The following ARHGAP35 variants were observed in gnomAD, a reference collection of about 807,000 sequenced individuals.
ARHGAP35 encodes rho GTPase-activating protein 35.
Under a neutral mutation model 111.1 loss-of-function variants are expected in ARHGAP35, and 15 were observed. The observed-to-expected ratio is 0.13, with a 90% CI of 0.09 to 0.21. The LOEUF is 0.21. Among genes scored for constraint, ARHGAP35 ranks in the 10% least tolerant of loss-of-function variants. The pLI, the probability that ARHGAP35 is intolerant of heterozygous loss-of-function variation, is 1.00. For missense variants in ARHGAP35, 1,262 were observed against 1,873.0 expected, an observed-to-expected ratio of 0.67 and a Z score of 6.02; for synonymous variants, 643 against 710.3, an observed-to-expected ratio of 0.91 and a Z score of 1.51.
intron 3 of ARHGAP35, among the ~76,000 whole-genome samples, chr19:46,959,791 A>G (rs529326313): frequency 6.6e-6 from 1 of 150,770 alleles, no homozygotes; most frequent in Non-Finnish European, 1.5e-5. Context: ...CTTTTGTGCC[A>G]TTTAAAGGTA....
In ARHGAP35 at chr19:47,001,469, T is replaced by C; in HGVS notation, c.*781T>C. On this transcript the variant is annotated 3_prime_UTR_variant, in exon 7 of 7. Coordinates refer to ENST00000672722, the MANE Select transcript of ARHGAP35 (RefSeq NM_004491.5). This position sits in a 1 kb window ranked among gnomAD's most constrained non-coding sequence, Gnocchi z 5.4. ...CAAGATTCCACTCTGTGCCCGCCTC[T>C]GCCGGGAGGGAGGGAGGCACACAGG... 1.7e-6 allele frequency: 2 copies of C among 1,169,714 alleles called. No individual in the cohort carries two copies. The highest frequency in any genetic ancestry group is 1.1e-6 in the Non-Finnish European group (1 of 883,798). 72.5% of individuals were successfully genotyped at this position (1,169,714 alleles called of 1,614,324 possible).
At chr19:46,869,519 G>C (rs1024264769) in intron 1 of ARHGAP35, among the ~76,000 whole-genome samples, 11 of 150,326 alleles carry the variant, frequency 7.3e-5, no homozygotes, top group Non-Finnish European at 1.6e-4. Context: ...TATTTGCATT[G>C]TGTGTGTGTA....
intron 1 of ARHGAP35, among the ~76,000 whole-genome samples, chr19:46,865,196 T>TGG (rs1366180503): frequency 6.6e-6 from 1 of 152,208 alleles, no homozygotes; most frequent in Non-Finnish European, 1.5e-5. Context: ...ATATGCCATT[T>TGG]GGAGTGGGGG....
rs574401580 is a variant in ARHGAP35 at position 46,863,648 on chromosome 19, T to TC, written c.-189+2446dup. Among the ~76,000 whole-genome samples the TC allele has an allele frequency of 2.9e-3, 438 of 150,910 alleles. 2 individuals are homozygous for TC. The highest frequency in any genetic ancestry group is 8.0e-3 in the African/African-American group (327 of 41,072). ...AGCAACCCTAGGAGTGTCCTTCCCT[T>TC]CCCCCCCGCCTTCGCCCCTCCCCCC... On this transcript the variant is annotated intron_variant, in intron 1 of 6. Coordinates refer to ENST00000672722, the MANE Select transcript of ARHGAP35 (RefSeq NM_004491.5).
chr19:46,925,476 C>G (rs2056232793), intron 2 of ARHGAP35, among the ~76,000 whole-genome samples: 1 of 152,186 alleles, frequency 6.6e-6, no homozygotes, highest in South Asian at 2.1e-4. Context: ...GAGGGGGCAG[C>G]TAGGCACTAG....
chr19:46,905,217 A>G (rs1199373054), intron 1 of ARHGAP35, among the ~76,000 whole-genome samples: 1 of 152,190 alleles, frequency 6.6e-6, no homozygotes, highest in Non-Finnish European at 1.5e-5. Context: ...CTTCTTAAAA[A>G]CAAAAACAAA....
intron 1 of ARHGAP35, among the ~76,000 whole-genome samples, chr19:46,909,495 G>A (rs78807187): frequency 0.02 from 3,017 of 152,154 alleles, 106 homozygotes; most frequent in African/African-American, 0.068. Context: ...TGCATGAGAC[G>A]ACGTGTTTCA....
chr19:46,956,192 C>A (rs945492661), intron 3 of ARHGAP35, among the ~76,000 whole-genome samples: 1 of 152,128 alleles, frequency 6.6e-6, no homozygotes, highest in Non-Finnish European at 1.5e-5. Flanking sequence ...GTGGCGTGCA[C>A]CTGTAGTCCC....
intron 1 of ARHGAP35, among the ~76,000 whole-genome samples, chr19:46,913,989 T>C (rs911065666): frequency 2.6e-5 from 4 of 152,208 alleles, no homozygotes; most frequent in African/African-American, 9.7e-5. Flanking sequence ...GTGACTCAGC[T>C]AATTTTTTTT....
chr19:46,937,473 A>AAC (rs2056316332), intron 3 of ARHGAP35, 65 bp downstream of exon 3: 2 of 1,557,024 alleles, frequency 1.3e-6, no homozygotes, highest in Admixed American at 3.4e-5. Context: ...CTGGAGGGTC[A>AAC]AGCCATCTGG....
intron 1 of ARHGAP35, among the ~76,000 whole-genome samples, chr19:46,915,036 A>G (rs1047204873): frequency 6.6e-6 from 1 of 152,138 alleles, no homozygotes; most frequent in Non-Finnish European, 1.5e-5. Context: ...GACTTCCTCA[A>G]CCCTTCATCA....
intron 1 of ARHGAP35, among the ~76,000 whole-genome samples, chr19:46,916,223 C>T (rs2056162715): frequency 6.6e-6 from 1 of 152,004 alleles, no homozygotes; most frequent in Admixed American, 6.6e-5. Flanking sequence ...CGTGAGCCAC[C>T]GCGCCCAGCG....
rs2056667610 is a variant in ARHGAP35, at chr19:46,989,356, G to A, written c.3905-188G>A. On this transcript the variant is annotated intron_variant, in intron 4 of 6. Transcript: ENST00000672722. This position sits in a 1 kb window ranked among gnomAD's most constrained non-coding sequence, Gnocchi z 5.3. ...TCAGCAGTCTCGGAAAGAGGTGCTG[G>A]GGCCAGCCCATGCCTGAACCTCAGA... The A allele has an allele frequency of 7.7e-6, 5 of 650,732 alleles. No individual in the cohort carries two copies. The allele number at this position is 650,732 out of a possible 1,614,324, so 40.3% of individuals were successfully genotyped here.
At chr19:46,880,432 A>C (rs1185769140) in intron 1 of ARHGAP35, among the ~76,000 whole-genome samples, 2 of 152,030 alleles carry the variant, frequency 1.3e-5, no homozygotes, top group African/African-American at 4.8e-5. Context: ...CTCCGTCTCA[A>C]AAAAAAAGAA....
chr19:46,992,272 C>T lies in ARHGAP35; in HGVS notation c.4036+2597C>T, dbSNP rs1484443249. Among the ~76,000 whole-genome samples the T allele has an allele frequency of 6.6e-6, 1 of 152,160 alleles. No homozygotes were observed. Among genetic ancestry groups the T allele is most frequent in the Non-Finnish European group, 1.5e-5 (1 of 68,032 alleles). On this transcript the variant is annotated intron_variant, in intron 5 of 6. Coordinates refer to ENST00000672722, the MANE Select transcript of ARHGAP35 (RefSeq NM_004491.5). This position sits in a 1 kb window ranked among gnomAD's most constrained non-coding sequence, Gnocchi z 4.4. Reference sequence around the variant, plus strand: ...AGCTTCTCAGAGGTGATACAGCCTGCCCAGGGTCACACCGCTAGGGAGTGG... The same window carrying T: ...AGCTTCTCAGAGGTGATACAGCCTGTCCAGGGTCACACCGCTAGGGAGTGG...
chr19:46,971,206 G>C (rs901508598), intron 3 of ARHGAP35, among the ~76,000 whole-genome samples: 3 of 152,062 alleles, frequency 2.0e-5, no homozygotes, highest in African/African-American at 7.2e-5. Context: ...AGGAGTTCAA[G>C]ACCAGCCTGG....
chr19:46,942,466 A>G (rs984669123), intron 3 of ARHGAP35, among the ~76,000 whole-genome samples: 1 of 152,000 alleles, frequency 6.6e-6, no homozygotes, highest in Non-Finnish European at 1.5e-5. Flanking sequence ...AACCCCATCC[A>G]TCTCTACTAA....
intron 1 of ARHGAP35, among the ~76,000 whole-genome samples, chr19:46,912,715 T>C (rs570708165): frequency 1.1e-4 from 17 of 152,132 alleles, no homozygotes; most frequent in Non-Finnish European, 2.4e-4. Context: ...TGGTAAGTAT[T>C]AATACATTCC....
chr19:46,924,035 C>A (rs2056224496), intron 2 of ARHGAP35, among the ~76,000 whole-genome samples: 1 of 151,914 alleles, frequency 6.6e-6, no homozygotes, highest in South Asian at 2.1e-4. Flanking sequence ...TATAATAATC[C>A]TTCACCAGCA....
Sources: gnomAD v4.1 joint callset for allele counts (sites outside exome capture counted in the v4.1 genomes callset) on GRCh38, gnomAD v4.1.1 for gene constraint, Gnocchi (gnomAD v3.1) non-coding constraint, MANE v1.5 for transcripts, NCBI Gene and HGNC (gene_info 2026-07-23, HGNC 2026-07-21) for gene names.